CYFIP2: variants seen among roughly 807,000 people sequenced by gnomAD.
CYFIP2 encodes cytoplasmic FMR1-interacting protein 2.
A neutral mutation model predicts 158.7 loss-of-function variants in CYFIP2; 29 were observed. The ratio of observed to expected loss-of-function variants is 0.18; its 90% CI spans 0.14 to 0.25. The LOEUF (loss-of-function observed/expected upper bound fraction) is 0.25. Among genes scored for constraint, CYFIP2 ranks in the 10% least tolerant of loss-of-function variants. The pLI is 1.00. For missense variants in CYFIP2, 852 were observed against 1,639.5 expected, an observed-to-expected ratio of 0.52 and a Z score of 8.29; for synonymous variants, 585 against 617.6, an observed-to-expected ratio of 0.95 and a Z score of 0.78.
intron 4 of CYFIP2, among the ~76,000 whole-genome samples, chr5:157,295,298 G>A (rs1003864779): frequency 3.3e-5 from 5 of 152,118 alleles, no homozygotes; most frequent in Admixed American, 1.3e-4. Context: ...GTATTATTTT[G>A]TGTTTATATT....
intron 3 of CYFIP2, chr5:157,288,696 A>C: frequency 2.2e-6 from 1 of 446,796 alleles, no homozygotes; most frequent in Non-Finnish European, 4.5e-6. Flanking sequence ...GCCGATGGGG[A>C]AAACTGGAGC....
At position 157,382,720 on chromosome 5, in the gene CYFIP2, T is replaced by G. The variant is rs942489655; in HGVS notation, c.3112+58T>G. ...CTGGCGTTTGAACCTTATTCTCACT[T>G]CCTAATTGCAGTCAACTCAGATCTA... is the stretch of plus-strand genomic sequence containing the variant. On this transcript the variant is annotated intron_variant, in intron 27 of 30. Coordinates refer to ENST00000620254, the MANE Select transcript of CYFIP2 (RefSeq NM_001037333.3). 8 of 1,536,208 alleles carry G rather than the reference T, an allele frequency of 5.2e-6. No individual in the cohort carries two copies. In the African/African-American group the frequency reaches 8.2e-5, roughly 16 times the overall value.
At chr5:157,286,436 C>A (rs1365466251) in intron 2 of CYFIP2, among the ~76,000 whole-genome samples, 2 of 148,248 alleles carry the variant, frequency 1.3e-5, no homozygotes, top group African/African-American at 5.0e-5. Context: ...TGTGAGTTGG[C>A]TTTTTAACTT....
Position 157,330,811 on chromosome 5 carries a change from C to T in CYFIP2, c.2226C>T (p.Ser742=). ...GCGTCATCATTCCGTATCCACCGTC[C>T]AATCGCTATGAAACACTGCTGAAGC... ...NYGVIIPYPP[S]NRYETLLKQR... The change falls in exon 20 of 31, where the codon TCC becomes TCT. Residue 742 remains serine (S), a synonymous_variant. Coordinates refer to ENST00000620254, the MANE Select transcript of CYFIP2 (RefSeq NM_001037333.3). The T allele has an allele frequency of 6.2e-7, 1 of 1,613,968 alleles. No homozygotes were observed. The highest frequency in any genetic ancestry group is 8.5e-7 in the Non-Finnish European group (1 of 1,179,886).
In CYFIP2 at chr5:157,278,432, G is replaced by A. The variant is rs181161785; in HGVS notation, c.-23-6907G>A. 1.2e-3 allele frequency among the ~76,000 whole-genome samples: 189 copies of A among 152,254 alleles called. 1 individual carries two copies. The highest frequency in any genetic ancestry group is 4.4e-3 in the African/African-American group (183 of 41,566). On this transcript the variant is annotated intron_variant, in intron 1 of 30. Transcript: ENST00000620254. ...AATATGTTTGGCACCTTTCAAAAAG[G>A]TACAAAACCAGGTGTGGTCTAGAAG...
chr5:157,271,215 G>T (rs1358498317), intron 1 of CYFIP2, among the ~76,000 whole-genome samples: 1 of 152,136 alleles, frequency 6.6e-6, no homozygotes, highest in Admixed American at 6.5e-5. Flanking sequence ...GAGTATCCTT[G>T]GACAGGTTTA....
chr5:157,299,769 G>A (rs908480180), intron 5 of CYFIP2, among the ~76,000 whole-genome samples: 4 of 152,118 alleles, frequency 2.6e-5, no homozygotes, highest in African/African-American at 4.8e-5. Flanking sequence ...GGGCATGGTG[G>A]TGCATGCCTG....
At chr5:157,297,841 A>C (rs1017214961) in intron 5 of CYFIP2, among the ~76,000 whole-genome samples, 1 of 152,242 alleles carries the variant, frequency 6.6e-6, no homozygotes, top group African/African-American at 2.4e-5. Context: ...AAAAAATAAA[A>C]CGAGACAACA....
intron 22 of CYFIP2, 97 bp from the exon 23 acceptor site, chr5:157,340,973 A>G (rs1762209407): frequency 2.6e-6 from 3 of 1,148,652 alleles, no homozygotes; most frequent in Non-Finnish European, 3.9e-6. Context: ...ACCAGTGCAA[A>G]CCTTCACCTG....
chr5:157,338,647 A>G (rs1225399295), intron 21 of CYFIP2, among the ~76,000 whole-genome samples: 4 of 152,254 alleles, frequency 2.6e-5, no homozygotes, highest in Non-Finnish European at 1.5e-5. Context: ...AAAACAAGTA[A>G]CGTCATAGGG....
At chr5:157,347,723 A>G (rs754894235) in intron 23 of CYFIP2, among the ~76,000 whole-genome samples, 5 of 152,228 alleles carry the variant, frequency 3.3e-5, no homozygotes, top group Non-Finnish European at 5.9e-5. Context: ...ATATTCTTGG[A>G]TGACATTTTT....
chr5:157,285,331 C>T lies in CYFIP2; in HGVS notation c.-23-8C>T, dbSNP rs894433345. The T allele has an allele frequency of 2.0e-6, 3 of 1,528,888 alleles. No homozygotes were observed. The highest frequency in any genetic ancestry group is 1.8e-6 in the Non-Finnish European group (2 of 1,125,858). The allele number at this position is 1,528,888 out of a possible 1,614,324, so 94.7% of individuals were successfully genotyped here. ...ATTCTCCACTGACCTTCTCTTCCTT[C>T]CCTTCAGTGCAGAATACAGAAACTG... is the stretch of plus-strand genomic sequence containing the variant. On this transcript the variant is annotated splice_polypyrimidine_tract_variant and splice_region_variant and intron_variant, in intron 1 of 30. Transcript: ENST00000620254.
intron 12 of CYFIP2, 101 bp downstream of exon 12, chr5:157,314,564 A>G: frequency 6.9e-7 from 1 of 1,456,234 alleles, no homozygotes; most frequent in Non-Finnish European, 9.1e-7. Context: ...TTACGGAGTT[A>G]CAATTCACGT....
intron 6 of CYFIP2, among the ~76,000 whole-genome samples, chr5:157,301,939 T>A (rs1029072047): frequency 6.6e-6 from 1 of 152,058 alleles, no homozygotes; most frequent in East Asian, 1.9e-4. Flanking sequence ...ACAGACTGAT[T>A]CTCACAAGTT....
chr5:157,302,913 G>T (rs1340136875), intron 7 of CYFIP2, 23 bp downstream of exon 7: 1 of 1,549,310 alleles, frequency 6.5e-7, no homozygotes, highest in Non-Finnish European at 8.7e-7. Context: ...TCCTTGTTAG[G>T]CCTGGCCTGA....
chr5:157,328,107 T>G, intron 19 of CYFIP2, 58 bp downstream of exon 19: 1 of 1,521,838 alleles, frequency 6.6e-7, no homozygotes, highest in Non-Finnish European at 9.0e-7. Context: ...CTAGAAGACA[T>G]GATTTTCTGT....
At chr5:157,319,354 T>G (rs547225773) in intron 13 of CYFIP2, among the ~76,000 whole-genome samples, 2 of 152,236 alleles carry the variant, frequency 1.3e-5, no homozygotes, top group Non-Finnish European at 2.9e-5. Context: ...AAAAGTTCTA[T>G]TTGATGTTGT....
intron 16 of CYFIP2, chr5:157,324,660 T>C (rs535857010): frequency 6.6e-6 from 1 of 152,144 alleles, no homozygotes; most frequent in Non-Finnish European, 1.5e-5. Context: ...GATCTGGCAA[T>C]TATCACACGC....
rs185622464 is a variant in CYFIP2, at chr5:157,367,619, C to T, written c.3039+6021C>T. Among the ~76,000 whole-genome samples, 29 of 152,268 alleles carry T rather than the reference C, an allele frequency of 1.9e-4. No homozygotes were observed. The East Asian group carries it at 3.9e-3, about 20-fold the overall frequency. On this transcript the variant is annotated intron_variant, in intron 26 of 30. Coordinates refer to ENST00000620254, the MANE Select transcript of CYFIP2 (RefSeq NM_001037333.3). ...CATCTCCACATCTGACCTTCTGTCT[C>T]CTACTTCTACCTTTTAATGTCTTTC...
Sources: gnomAD v4.1 joint callset for allele counts (sites outside exome capture counted in the v4.1 genomes callset) on GRCh38, gnomAD v4.1.1 for gene constraint, MANE v1.5 for transcripts, NCBI Gene and HGNC (gene_info 2026-07-23, HGNC 2026-07-21) for gene names.